Variants in ADGRA3 observed in about 807,000 individuals in gnomAD.
ADGRA3 encodes G-protein coupled receptor 125.
Under a neutral mutation model 119.8 loss-of-function variants are expected in ADGRA3, and 56 were observed. The ratio of observed to expected loss-of-function variants is 0.47; its 90% confidence interval spans 0.38 to 0.58. ADGRA3 has a LOEUF of 0.58. Ranked by LOEUF, ADGRA3 falls within the 20% of genes least tolerant of loss-of-function variation. The pLI is 0.00. For synonymous variants in ADGRA3, 607 were observed against 623.8 expected, an observed-to-expected ratio of 0.97 and a Z score of 0.40; for missense variants, 1,516 against 1,649.0, an observed-to-expected ratio of 0.92 and a Z score of 1.40.
At chr4:22,485,346 T>G (rs976334042) in intron 1 of ADGRA3, among the ~76,000 whole-genome samples, 1 of 152,176 alleles carries the variant, frequency 6.6e-6, no homozygotes, top group Non-Finnish European at 1.5e-5. Context: ...TGAGCCACCA[T>G]ACCCGGCCCA....
chr4:22,495,400 A>G (rs1051024999), intron 1 of ADGRA3, among the ~76,000 whole-genome samples: 4 of 152,014 alleles, frequency 2.6e-5, no homozygotes, highest in African/African-American at 9.7e-5. Context: ...CCATCTCTAG[A>G]AAAAATAAAT....
At chr4:22,412,481 G>A (rs1376980872) in intron 14 of ADGRA3, among the ~76,000 whole-genome samples, 1 of 152,082 alleles carries the variant, frequency 6.6e-6, no homozygotes, top group East Asian at 1.9e-4. Context: ...CAAAGAAAAT[G>A]CTCCTTGGAG....
intron 14 of ADGRA3, among the ~76,000 whole-genome samples, chr4:22,405,956 C>A (rs1315292251): frequency 6.6e-6 from 1 of 152,082 alleles, no homozygotes; most frequent in Non-Finnish European, 1.5e-5. Context: ...CTTACTTCAC[C>A]CCCTCTTCCT....
Position 22,438,392 on chromosome 4 carries a change from C to T in ADGRA3, c.949G>A (p.Gly317Arg). 2 of 1,613,744 alleles carry T rather than the reference C, an allele frequency of 1.2e-6. No individual in the cohort carries two copies. The highest frequency in any genetic ancestry group is 1.7e-6 in the Non-Finnish European group (2 of 1,179,816). ...SALTISNIQA[G>R]STGNWGCHVQ... ...TGACAGCCCCAATTTCCAGTAGATCCAGCCTGAATATTAGAAATGGTTAGG... is the reference window on the plus strand; with the variant it reads ...TGACAGCCCCAATTTCCAGTAGATCTAGCCTGAATATTAGAAATGGTTAGG... Residue 317 changes from glycine to arginine, a missense_variant, in exon 8 of 19, where the codon GGA becomes AGA. Gly to Arg is a moderately radical substitution (Grantham distance 125). This residue lies in a region of ADGRA3 where 428 missense variants were observed against 541.9 expected (regional missense o/e 0.79). Coordinates refer to ENST00000334304, the MANE Select transcript of ADGRA3 (RefSeq NM_145290.4).
At chr4:22,413,038 A>T in intron 14 of ADGRA3, 144 bp downstream of exon 14, 1 of 645,496 alleles carries the variant, frequency 1.5e-6, no homozygotes, top group South Asian at 1.9e-5. Flanking sequence ...AACACATATC[A>T]TCTCATATAA....
At chr4:22,399,894 G>A (rs1357319080) in intron 16 of ADGRA3, among the ~76,000 whole-genome samples, 1 of 151,972 alleles carries the variant, frequency 6.6e-6, no homozygotes, top group Non-Finnish European at 1.5e-5. Flanking sequence ...TGGTCATCTG[G>A]CTAATATTAA....
chr4:22,427,333 G>T (rs1014510515), intron 10 of ADGRA3, among the ~76,000 whole-genome samples: 6 of 151,944 alleles, frequency 3.9e-5, no homozygotes, highest in African/African-American at 1.5e-4. Flanking sequence ...ATTTTATAGG[G>T]ACCTGACATG....
chr4:22,515,342 G>T, intron 1 of ADGRA3, 186 bp downstream of exon 1: 1 of 571,968 alleles, frequency 1.7e-6, no homozygotes, highest in Non-Finnish European at 2.6e-6. Flanking sequence ...CAGCTCGGAC[G>T]CAGATTCCCT....
intron 1 of ADGRA3, among the ~76,000 whole-genome samples, chr4:22,476,433 A>G (rs967381527): frequency 4.6e-5 from 7 of 152,190 alleles, no homozygotes; most frequent in Admixed American, 1.3e-4. Context: ...TAATACATCC[A>G]AACAACAAAA....
chr4:22,504,507 C>G (rs1479194511), intron 1 of ADGRA3, among the ~76,000 whole-genome samples: 1 of 152,142 alleles, frequency 6.6e-6, no homozygotes, highest in African/African-American at 2.4e-5. Flanking sequence ...CATTCAACTC[C>G]ACAGTACATC....
At chr4:22,403,062 G>C (rs527597584) in intron 14 of ADGRA3, among the ~76,000 whole-genome samples, 1 of 152,078 alleles carries the variant, frequency 6.6e-6, no homozygotes, top group Admixed American at 6.6e-5. Context: ...TCTGCTATGA[G>C]GGTAAAAGAG....
intron 4 of ADGRA3, 142 bp from the exon 5 acceptor site, chr4:22,447,653 C>T (rs1336953738): frequency 6.1e-6 from 3 of 493,230 alleles, no homozygotes; most frequent in Non-Finnish European, 1.1e-5. Flanking sequence ...AAAGAGGGAG[C>T]GATTAGAAAA....
At chr4:22,425,927 T>C (rs1002487337) in intron 10 of ADGRA3, among the ~76,000 whole-genome samples, 1 of 152,162 alleles carries the variant, frequency 6.6e-6, no homozygotes, top group African/African-American at 2.4e-5. Flanking sequence ...TGACCGTGAG[T>C]ACCTAGCCTG....
chr4:22,503,632 T>G (rs1281656436), intron 1 of ADGRA3, among the ~76,000 whole-genome samples: 1 of 4,132 alleles, frequency 2.4e-4, no homozygotes, highest in Non-Finnish European at 1.1e-3. Context: ...TATGGATACA[T>G]GAGGAAACTG....
intron 1 of ADGRA3, among the ~76,000 whole-genome samples, chr4:22,512,338 T>C (rs1173592275): frequency 6.6e-6 from 1 of 152,124 alleles, no homozygotes; most frequent in Admixed American, 6.6e-5. Flanking sequence ...GCATTGACCA[T>C]ACTGTTCTGA....
intron 1 of ADGRA3, among the ~76,000 whole-genome samples, chr4:22,515,121 T>C (rs1719595161): frequency 6.6e-6 from 1 of 152,222 alleles, no homozygotes; most frequent in Non-Finnish European, 1.5e-5. Flanking sequence ...TAACTTAATT[T>C]GCAAAGAAGC....
At chr4:22,486,383 C>T (rs1408019124) in intron 1 of ADGRA3, among the ~76,000 whole-genome samples, 8 of 152,152 alleles carry the variant, frequency 5.3e-5, no homozygotes, top group Non-Finnish European at 4.4e-5. Flanking sequence ...GTTTCTAGCC[C>T]ATCTTTTCCC....
chr4:22,423,569 T>C (rs1404560467), intron 11 of ADGRA3, among the ~76,000 whole-genome samples: 1 of 152,198 alleles, frequency 6.6e-6, no homozygotes, highest in East Asian at 1.9e-4. Flanking sequence ...AATTTACAAC[T>C]GTTCAATTTA....
Position 22,421,029 on chromosome 4 carries a change from T to A in ADGRA3, c.1666A>T (p.Thr556Ser), listed in dbSNP as rs1246867013. ...GCCACTTTCTGGAACACGGTACAGG[T>A]CATCCCCGTGAAGCCAGTAGACTTG... ...VIKSTGFTGM[T>S]CTVFQKVAAS... The change falls in exon 12 of 19, where the codon ACC becomes TCC. Residue 556 changes from threonine to serine, a missense_variant. Thr to Ser is a moderately conservative substitution (Grantham distance 58, BLOSUM62 1). This residue lies in a region of ADGRA3 where 1,088 missense variants were observed against 1,107.1 expected (regional missense o/e 0.98). Coordinates refer to ENST00000334304, the MANE Select transcript of ADGRA3 (RefSeq NM_145290.4). The A allele has an allele frequency of 8.1e-6, 13 of 1,613,828 alleles. No homozygotes were observed. Among genetic ancestry groups the A allele is most frequent in the African/African-American group, 1.3e-5 (1 of 74,870 alleles).
Sources: gnomAD v4.1 joint callset for allele counts (sites outside exome capture counted in the v4.1 genomes callset) on GRCh38, gnomAD v4.1.1 for gene constraint, gnomAD v4.1.1 regional missense constraint, MANE v1.5 for transcripts, NCBI Gene and HGNC (gene_info 2026-07-23, HGNC 2026-07-21) for gene names.